Variants in CSMD1 observed in about 807,000 individuals in gnomAD.
CSMD1 encodes CUB and Sushi multiple domains 1, also known as CUB and sushi domain-containing protein 1.
Under a neutral mutation model 417.5 loss-of-function variants are expected in CSMD1, and 213 were observed. That is an observed-to-expected ratio of 0.51 (90% CI 0.46 to 0.57). The LOEUF (loss-of-function observed/expected upper bound fraction) is 0.57, where lower values mean the gene tolerates loss of function less well. CSMD1 is among the 20% of genes least tolerant of loss of function. The pLI, the probability that CSMD1 is intolerant of heterozygous loss-of-function variation, is 0.00. For synonymous variants in CSMD1, 2,862 were observed against 1,736.8 expected, an observed-to-expected ratio of 1.65 and a Z score of -16.11; for missense variants, 6,923 against 4,529.7, an observed-to-expected ratio of 1.53 and a Z score of -15.17.
chr8:3,934,969 G>A (rs543879672), intron 5 of CSMD1, among the ~76,000 whole-genome samples: 2 of 152,122 alleles, frequency 1.3e-5, no homozygotes, highest in East Asian at 3.9e-4. Context: ...AAACTAACCA[G>A]GCACCCAGAT....
intron 3 of CSMD1, among the ~76,000 whole-genome samples, chr8:4,349,105 G>C (rs1040435319): frequency 2.6e-5 from 4 of 152,220 alleles, no homozygotes; most frequent in African/African-American, 7.2e-5. Flanking sequence ...ATGAGCTGAA[G>C]TTTGAAGATA....
chr8:3,053,503 C>G (rs6420212), intron 49 of CSMD1, among the ~76,000 whole-genome samples: 149,570 of 152,220 alleles, frequency 0.98, 73,549 homozygotes, highest in Middle Eastern at 1. Context: ...CAAGAAAACA[C>G]GACATAAGGA....
At chr8:3,707,726 G>A (rs1221665258) in intron 7 of CSMD1, among the ~76,000 whole-genome samples, 2 of 152,196 alleles carry the variant, frequency 1.3e-5, no homozygotes, top group Non-Finnish European at 2.9e-5. Context: ...TAGGCTGTTG[G>A]CTTTCAGCTA....
chr8:4,333,936 G>C (rs561507702), intron 3 of CSMD1, among the ~76,000 whole-genome samples: 1 of 151,972 alleles, frequency 6.6e-6, no homozygotes, highest in Non-Finnish European at 1.5e-5. Flanking sequence ...CTGTCATCCA[G>C]ACTGGAGGGC....
intron 10 of CSMD1, among the ~76,000 whole-genome samples, chr8:3,540,077 T>G (rs1213978081): frequency 1.3e-5 from 2 of 152,214 alleles, no homozygotes; most frequent in Non-Finnish European, 2.9e-5. Context: ...GGCTCATAAA[T>G]AGGCTTCTCT....
chr8:3,190,056 T>G lies in CSMD1; in HGVS notation c.5254A>C (p.Arg1752=), dbSNP rs1796318580. 6.3e-7 allele frequency: 1 copy of G among 1,595,336 alleles called. No homozygotes were observed. Among genetic ancestry groups the G allele is most frequent in the South Asian group, 1.1e-5 (1 of 87,438 alleles). ...CCGGCAGAAAACTCAGAACCAATTC[T>G]CCTTCCGTATCTGGGCTCGGGGACA... ...SSVPEPRYGR[R]IGSEFSAGSI... Residue 1752 remains arginine, a synonymous_variant, in exon 34 of 70, where the codon AGA becomes CGA. Coordinates refer to ENST00000635120, the MANE Select transcript of CSMD1 (RefSeq NM_033225.6).
intron 1 of CSMD1, among the ~76,000 whole-genome samples, chr8:4,780,405 T>G (rs4875381): frequency 2.6e-5 from 4 of 151,824 alleles, no homozygotes; most frequent in African/African-American, 9.7e-5. Context: ...TCATTCTGAT[T>G]GATCAGTCGA....
chr8:4,051,845 T>TC lies in CSMD1; in HGVS notation c.416-19747_416-19746insG, dbSNP rs1277883884. Among the ~76,000 whole-genome samples, 29 of 138,738 alleles carry TC rather than the reference T, an allele frequency of 2.1e-4. 1 individual carries two copies. The highest frequency in any genetic ancestry group is 3.8e-3 in the Middle Eastern group (1 of 264). The allele number at this position is 138,738 out of a possible 152,430, so 91.0% of individuals were successfully genotyped here. A position where few individuals can be genotyped will look rare whatever the true frequency, so the allele number is the denominator to read the frequency against. ...CTCTTTCTTCTCTTTCTTTTCTTTC[T>TC]TTTCTTTTCTCTTTCTTTCTTTCCT... On this transcript the variant is annotated intron_variant, in intron 3 of 69. Coordinates refer to ENST00000635120, the MANE Select transcript of CSMD1 (RefSeq NM_033225.6).
intron 3 of CSMD1, among the ~76,000 whole-genome samples, chr8:4,056,519 CATTTA>C (rs1359417438): frequency 6.6e-6 from 1 of 150,498 alleles, no homozygotes; most frequent in African/African-American, 2.5e-5. Context: ...CTAAGGAAAG[CATTTA>C]ATTTCAATTT....
chr8:4,020,527 T>G (rs1174936484), intron 4 of CSMD1, among the ~76,000 whole-genome samples: 1 of 152,140 alleles, frequency 6.6e-6, no homozygotes, highest in African/African-American at 2.4e-5. Flanking sequence ...TCTGGATGGG[T>G]GAACATCTCA....
chr8:3,283,551 A>G (rs1264158850), intron 26 of CSMD1, among the ~76,000 whole-genome samples: 2 of 152,132 alleles, frequency 1.3e-5, no homozygotes, highest in South Asian at 2.1e-4. Context: ...GAACCACTCC[A>G]AAATATGCAG....
intron 1 of CSMD1, among the ~76,000 whole-genome samples, chr8:4,855,659 T>A (rs1481782804): frequency 6.6e-6 from 1 of 152,038 alleles, no homozygotes; most frequent in African/African-American, 2.4e-5. Flanking sequence ...GAAGATAGGG[T>A]ATCAGCGATG....
At chr8:3,335,304 G>A (rs990350430) in intron 23 of CSMD1, among the ~76,000 whole-genome samples, 1 of 152,174 alleles carries the variant, frequency 6.6e-6, no homozygotes, top group Non-Finnish European at 1.5e-5. Flanking sequence ...AGAGCACAGT[G>A]ACAGGATCAA....
In CSMD1 at chr8:3,471,624, CCCTCTCTCCCTCCCTTCTT is replaced by C. The variant is rs369923029; in HGVS notation, c.1449-2819_1449-2801del. On this transcript the variant is annotated intron_variant, in intron 11 of 69. Transcript: ENST00000635120. ...CTTCTTCCTCTCTCCTTCCTTCCCTCCCTCTCTCCCTCCCTTCTTCCTCTCTCCTTCCTTCCTTTCCCTC... is the reference window on the plus strand; with the variant it reads ...CTTCTTCCTCTCTCCTTCCTTCCCTCCCTCTCTCCTTCCTTCCTTTCCCTC... Among the ~76,000 whole-genome samples, 113 of 142,874 alleles carry C rather than the reference CCCTCTCTCCCTCCCTTCTT, an allele frequency of 7.9e-4. No homozygotes were observed. In the South Asian group the frequency reaches 0.017, roughly 21 times the overall value. The allele number at this position is 142,874 out of a possible 152,430, so 93.7% of individuals were successfully genotyped here.
At chr8:3,589,698 T>C (rs1396133602) in intron 8 of CSMD1, among the ~76,000 whole-genome samples, 1 of 152,186 alleles carries the variant, frequency 6.6e-6, no homozygotes, top group African/African-American at 2.4e-5. Flanking sequence ...ATGGTGACTG[T>C]AGTTAATAAC....
chr8:3,251,390 T>A, intron 26 of CSMD1, among the ~76,000 whole-genome samples: 1 of 152,188 alleles, frequency 6.6e-6, no homozygotes, highest in East Asian at 1.9e-4. Context: ...GTGGCATTAT[T>A]TCTGAGGGCT....
chr8:3,027,096 T>C (rs1809987181), intron 51 of CSMD1, among the ~76,000 whole-genome samples: 1 of 152,118 alleles, frequency 6.6e-6, no homozygotes, highest in South Asian at 2.1e-4. Flanking sequence ...AAGCCCTGTA[T>C]TAGTACAATT....
At chr8:4,578,333 T>TTTTTC (rs1799240281) in intron 2 of CSMD1, among the ~76,000 whole-genome samples, 5 of 29,974 alleles carry the variant, frequency 1.7e-4, no homozygotes, top group African/African-American at 4.8e-4. Context: ...ACCCGGCTCA[T>TTTTTC]TTTTTTTTTT....
At chr8:4,769,672 G>A (rs1405295260) in intron 1 of CSMD1, among the ~76,000 whole-genome samples, 1 of 152,142 alleles carries the variant, frequency 6.6e-6, no homozygotes, top group Non-Finnish European at 1.5e-5. Flanking sequence ...AAAGGCTGAC[G>A]GATTTGTGGA....
Sources: allele counts gnomAD v4.1 joint callset (sites outside exome capture counted in the v4.1 genomes callset), GRCh38; gene constraint gnomAD v4.1.1; transcripts MANE v1.5; gene names NCBI Gene and HGNC (gene_info 2026-07-23, HGNC 2026-07-21).